SNTB2: variants seen among roughly 807,000 people sequenced by gnomAD.
SNTB2 encodes the protein syntrophin beta 2.
SNTB2 carries 34 observed loss-of-function variants against 46.2 expected under a neutral mutation model. The ratio of observed to expected loss-of-function variants is 0.74; its 90% confidence interval spans 0.56 to 0.98. SNTB2 has a LOEUF of 0.98. Ranked by LOEUF, SNTB2 falls within the 50% of genes least tolerant of loss-of-function variation. The pLI is 0.00. For synonymous variants in SNTB2, 290 were observed against 312.6 expected (o/e 0.93, Z 0.76); for missense variants, 603 against 731.4 (o/e 0.82, Z 2.02).
intron 1 of SNTB2, 86 bp downstream of exon 1, chr16:69,187,832 C>T: frequency 3.6e-6 from 4 of 1,096,354 alleles, no homozygotes; most frequent in Non-Finnish European, 4.9e-6. Context: ...GCCGGCGGGG[C>T]GAGCCGGTTC....
intron 1 of SNTB2, among the ~76,000 whole-genome samples, chr16:69,231,996 G>A (rs988981518): frequency 2.6e-5 from 4 of 151,860 alleles, no homozygotes; most frequent in Admixed American, 2.0e-4. Context: ...GTTTACCAAG[G>A]GGAATTTATA....
chr16:69,187,829 G>T, intron 1 of SNTB2, 83 bp downstream of exon 1: 1 of 1,153,882 alleles, frequency 8.7e-7, no homozygotes, highest in Non-Finnish European at 1.1e-6. Context: ...CCCGCCGGCG[G>T]GGCGAGCCGG....
At chr16:69,270,573 G>GA in intron 4 of SNTB2, among the ~76,000 whole-genome samples, 1 of 151,366 alleles carries the variant, frequency 6.6e-6, no homozygotes, top group East Asian at 1.9e-4. Context: ...AGATTATAGG[G>GA]TTTTTTTTTC....
chr16:69,264,618 G>A (rs976476925), intron 3 of SNTB2, among the ~76,000 whole-genome samples: 1 of 152,152 alleles, frequency 6.6e-6, no homozygotes, highest in Non-Finnish European at 1.5e-5. Flanking sequence ...GAATCTAAGT[G>A]TTATGTTTGT....
At chr16:69,249,789 T>A (rs1385974599) in intron 2 of SNTB2, among the ~76,000 whole-genome samples, 2 of 152,180 alleles carry the variant, frequency 1.3e-5, no homozygotes, top group East Asian at 3.8e-4. Context: ...AGTAACTTGT[T>A]CTAATTTTAC....
At chr16:69,276,858 G>A (rs1964989486) in intron 4 of SNTB2, among the ~76,000 whole-genome samples, 2 of 151,974 alleles carry the variant, frequency 1.3e-5, no homozygotes, top group Admixed American at 1.3e-4. Flanking sequence ...ACGTGGACTT[G>A]CAGAGGGAAA....
At chr16:69,217,552 GCTGA>G (rs1244008790) in intron 1 of SNTB2, among the ~76,000 whole-genome samples, 3 of 152,160 alleles carry the variant, frequency 2.0e-5, no homozygotes, top group African/African-American at 7.2e-5. Flanking sequence ...TTAGATAAAA[GCTGA>G]CTACTTCAGT....
intron 1 of SNTB2, among the ~76,000 whole-genome samples, chr16:69,243,272 C>T (rs935528843): frequency 6.6e-6 from 1 of 152,118 alleles, no homozygotes; most frequent in Non-Finnish European, 1.5e-5. Context: ...TAACATAGGA[C>T]TGAAACAGAA....
chr16:69,235,949 C>T (rs1370556727), intron 1 of SNTB2: 13 of 943,308 alleles, frequency 1.4e-5, no homozygotes, highest in Non-Finnish European at 1.8e-5. Context: ...TTAGTAAGCT[C>T]CCATTACTTT....
chr16:69,217,111 A>C (rs767409532), intron 1 of SNTB2, among the ~76,000 whole-genome samples: 1 of 152,158 alleles, frequency 6.6e-6, no homozygotes, highest in African/African-American at 2.4e-5. Context: ...TCTTTACAGT[A>C]CGTTAACGGT....
intron 5 of SNTB2, 107 bp from the exon 6 acceptor site, chr16:69,299,483 C>T (rs1490500993): frequency 9.1e-6 from 10 of 1,103,070 alleles, no homozygotes; most frequent in Non-Finnish European, 1.2e-5. Flanking sequence ...AGGTATCACA[C>T]ATTCTCAAGA....
Position 69,228,006 on chromosome 16 carries a change from C to T in SNTB2, c.581-17596C>T, listed in dbSNP as rs74248499. Reference sequence around the variant, plus strand: ...CTGAGTAGCTTGGACTACAGGTGTGCACCCCTATGCCCAGCTTTTCTGGAG... The same window carrying T: ...CTGAGTAGCTTGGACTACAGGTGTGTACCCCTATGCCCAGCTTTTCTGGAG... On this transcript the variant is annotated intron_variant, in intron 1 of 6. Transcript: ENST00000336278. Among the ~76,000 whole-genome samples the T allele has an allele frequency of 4.6e-3, 696 of 152,068 alleles. 30 individuals are homozygous for T. The South Asian group carries it at 0.09, about 20-fold the overall frequency.
At chr16:69,265,848 A>G (rs1256413997) in intron 3 of SNTB2, among the ~76,000 whole-genome samples, 1 of 151,500 alleles carries the variant, frequency 6.6e-6, no homozygotes, top group Non-Finnish European at 1.5e-5. Context: ...AAAAAAAAAA[A>G]GAAATAAAAT....
At chr16:69,256,775 A>T (rs1448893451) in intron 2 of SNTB2, among the ~76,000 whole-genome samples, 1 of 152,204 alleles carries the variant, frequency 6.6e-6, no homozygotes, top group Admixed American at 6.5e-5. Flanking sequence ...GCTGCTATAA[A>T]CATGGGTGTA....
At chr16:69,245,074 G>A (rs1407492687) in intron 1 of SNTB2, among the ~76,000 whole-genome samples, 1 of 152,198 alleles carries the variant, frequency 6.6e-6, no homozygotes, top group East Asian at 1.9e-4. Context: ...GAACCAGTGG[G>A]TAGAAGTATG....
At chr16:69,262,607 C>T (rs1964844796) in intron 3 of SNTB2, among the ~76,000 whole-genome samples, 1 of 151,770 alleles carries the variant, frequency 6.6e-6, no homozygotes, top group African/African-American at 2.4e-5. Flanking sequence ...ATTAACATAT[C>T]CATCACCTCA....
chr16:69,271,415 GT>G (rs974200977), intron 4 of SNTB2, among the ~76,000 whole-genome samples: 5 of 152,038 alleles, frequency 3.3e-5, no homozygotes, highest in Admixed American at 3.3e-4. Context: ...TTAATATTTG[GT>G]TTTTTAAATC....
chr16:69,292,435 T>TTATATATATATATATATATAATATA (rs1185185153), intron 5 of SNTB2, among the ~76,000 whole-genome samples: 1 of 10,496 alleles, frequency 9.5e-5, no homozygotes, highest in African/African-American at 4.4e-4. Context: ...TATATATATA[T>TTATATATATATATATATATAATATA]TATATATATA....
intron 5 of SNTB2, among the ~76,000 whole-genome samples, chr16:69,284,824 G>A (rs1965086472): frequency 6.6e-6 from 1 of 151,892 alleles, no homozygotes; most frequent in Non-Finnish European, 1.5e-5. Context: ...GTGTGCATCT[G>A]TAGTCCCAGC....
Sources: gnomAD v4.1 joint callset for allele counts (sites outside exome capture counted in the v4.1 genomes callset) on GRCh38, gnomAD v4.1.1 for gene constraint, MANE v1.5 for transcripts, NCBI Gene and HGNC (gene_info 2026-07-23, HGNC 2026-07-21) for gene names.